Variants in TCERG1L observed in about 807,000 individuals in gnomAD.
TCERG1L encodes the protein transcription elongation regulator 1-like protein.
TCERG1L carries 37 observed loss-of-function variants against 56.3 expected under a neutral mutation model. That is an observed-to-expected ratio of 0.66 (90% CI 0.51 to 0.87). The LOEUF (loss-of-function observed/expected upper bound fraction) is 0.87. TCERG1L is among the 40% of genes least tolerant of loss of function. TCERG1L has a pLI of 0.00. For missense variants in TCERG1L, 799 were observed against 774.2 expected, an observed-to-expected ratio of 1.03 and a Z score of -0.38; for synonymous variants, 324 against 326.3, an observed-to-expected ratio of 0.99 and a Z score of 0.08.
At chr10:131,271,351 C>G (rs1405568578) in intron 3 of TCERG1L, among the ~76,000 whole-genome samples, 1 of 152,244 alleles carries the variant, frequency 6.6e-6, no homozygotes, top group African/African-American at 2.4e-5. Flanking sequence ...CAGGTTTTCT[C>G]TTCCTCTCTG....
At chr10:131,263,123 T>C (rs971339983) in intron 3 of TCERG1L, among the ~76,000 whole-genome samples, 6 of 152,148 alleles carry the variant, frequency 3.9e-5, no homozygotes, top group Non-Finnish European at 5.9e-5. Context: ...CAGACTGTCT[T>C]CCACGGTGGC....
intron 4 of TCERG1L, among the ~76,000 whole-genome samples, chr10:131,194,098 C>A (rs1845332358): frequency 6.6e-6 from 1 of 152,244 alleles, no homozygotes; most frequent in Non-Finnish European, 1.5e-5. Flanking sequence ...GGCACTCCGG[C>A]CACACCACAC....
intron 4 of TCERG1L, among the ~76,000 whole-genome samples, chr10:131,223,989 G>A (rs947022659): frequency 1.3e-5 from 2 of 151,958 alleles, no homozygotes; most frequent in African/African-American, 4.8e-5. Flanking sequence ...TCCCCGTGGT[G>A]AGAAGCAGCC....
At chr10:131,286,029 C>T (rs1846536691) in intron 3 of TCERG1L, among the ~76,000 whole-genome samples, 1 of 152,098 alleles carries the variant, frequency 6.6e-6, no homozygotes, top group South Asian at 2.1e-4. Flanking sequence ...TCTAGATAAT[C>T]AATATAAAAA....
intron 4 of TCERG1L, among the ~76,000 whole-genome samples, chr10:131,193,095 T>G (rs1845320524): frequency 6.6e-6 from 1 of 152,240 alleles, no homozygotes; most frequent in Admixed American, 6.5e-5. Flanking sequence ...CATTTGAATT[T>G]CTCTGATGAC....
chr10:131,168,202 T>C (rs2996069), intron 4 of TCERG1L, among the ~76,000 whole-genome samples: 37,088 of 152,158 alleles, frequency 0.24, 6,220 homozygotes, highest in African/African-American at 0.48. Flanking sequence ...ATAGAAAGGA[T>C]GTCCTCTGGC....
At chr10:131,093,761 G>T (rs146790094) in intron 11 of TCERG1L, among the ~76,000 whole-genome samples, 1 of 152,234 alleles carries the variant, frequency 6.6e-6, no homozygotes, top group South Asian at 2.1e-4. Context: ...AGAGCTGCTC[G>T]TCATGAGAAA....
chr10:131,144,443 A>C (rs1053033270), intron 7 of TCERG1L, among the ~76,000 whole-genome samples: 3 of 151,766 alleles, frequency 2.0e-5, no homozygotes, highest in Non-Finnish European at 4.4e-5. Context: ...CTCTAGAAAC[A>C]CCTCCTGTCC....
chr10:131,279,334 T>G (rs1021506818), intron 3 of TCERG1L, among the ~76,000 whole-genome samples: 3 of 151,508 alleles, frequency 2.0e-5, no homozygotes, highest in Non-Finnish European at 4.4e-5. Flanking sequence ...TGGGCAGGAG[T>G]GTAAGACGCT....
chr10:131,293,698 G>A (rs1846659039), intron 3 of TCERG1L, among the ~76,000 whole-genome samples: 1 of 152,130 alleles, frequency 6.6e-6, no homozygotes, highest in South Asian at 2.1e-4. Context: ...AAATCCACCA[G>A]AAGCCCCTCT....
chr10:131,256,992 G>GGAAGGAAGGAAGGAAGGAAAGGAAGAAA lies in TCERG1L; in HGVS notation c.856+3266_856+3267insTTTCTTCCTTTCCTTCCTTCCTTCCTTC, dbSNP rs1846173015. Among the ~76,000 whole-genome samples, 44 of 59,214 alleles carry GGAAGGAAGGAAGGAAGGAAAGGAAGAAA rather than the reference G, an allele frequency of 7.4e-4. 3 individuals carry two copies. The highest frequency in any genetic ancestry group is 2.4e-3 in the African/African-American group (44 of 18,144). 38.8% of individuals were successfully genotyped at this position (59,214 alleles called of 152,430 possible). The stretch of plus-strand genomic sequence containing the variant: ...AGGAAGGAAGGAAGGAAGGAAGGAA[G>GGAAGGAAGGAAGGAAGGAAAGGAAGAAA]GAAAGAAAGAAAGAAAGAAAGAAAG... On this transcript the variant is annotated intron_variant, in intron 4 of 11. Coordinates refer to ENST00000368642, the MANE Select transcript of TCERG1L (RefSeq NM_174937.4).
chr10:131,136,039 C>T (rs1345542897), intron 7 of TCERG1L, among the ~76,000 whole-genome samples: 1 of 152,206 alleles, frequency 6.6e-6, no homozygotes, highest in Non-Finnish European at 1.5e-5. Flanking sequence ...CTCCTTGATC[C>T]CTGCCCCCTC....
At chr10:131,211,350 G>A (rs1454206777) in intron 4 of TCERG1L, among the ~76,000 whole-genome samples, 1 of 152,230 alleles carries the variant, frequency 6.6e-6, no homozygotes, top group Admixed American at 6.5e-5. Context: ...GCCAGGGCTG[G>A]GCCCCTGAGC....
chr10:131,179,215 CG>C (rs920448037), intron 4 of TCERG1L, among the ~76,000 whole-genome samples: 5 of 152,226 alleles, frequency 3.3e-5, no homozygotes, highest in African/African-American at 9.6e-5. Flanking sequence ...GGCAGAGCAG[CG>C]GGGGCAGCCC....
intron 4 of TCERG1L, among the ~76,000 whole-genome samples, chr10:131,246,947 C>T (rs1449579718): frequency 1.3e-5 from 2 of 152,102 alleles, no homozygotes; most frequent in Non-Finnish European, 2.9e-5. Flanking sequence ...AACAGATTCC[C>T]AAGCTGGTGG....
chr10:131,139,737 T>A (rs1482133139), intron 7 of TCERG1L, among the ~76,000 whole-genome samples: 1 of 151,922 alleles, frequency 6.6e-6, no homozygotes, highest in Non-Finnish European at 1.5e-5. Context: ...CCTGTGTATG[T>A]GTCTGTATGT....
At chr10:131,100,272 A>T (rs1564791574) in intron 10 of TCERG1L, among the ~76,000 whole-genome samples, 1 of 152,234 alleles carries the variant, frequency 6.6e-6, no homozygotes, top group Non-Finnish European at 1.5e-5. Context: ...AAATAAAAGC[A>T]TGTGGCTCCA....
chr10:131,221,241 G>C lies in TCERG1L; in HGVS notation c.856+39018C>G, dbSNP rs1209647567. 4.6e-5 allele frequency among the ~76,000 whole-genome samples: 7 copies of C among 152,352 alleles called. No homozygotes were observed. The East Asian group carries it at 1.4e-3, about 29-fold the overall frequency. ...GCAGCTCCCCTCCCTGCTGCTGCGGGGTGGGAGGCCCCTGGCCGTCCAGGA... is the reference window on the plus strand; with the variant it reads ...GCAGCTCCCCTCCCTGCTGCTGCGGCGTGGGAGGCCCCTGGCCGTCCAGGA... On this transcript the variant is annotated intron_variant, in intron 4 of 11. Coordinates refer to ENST00000368642, the MANE Select transcript of TCERG1L (RefSeq NM_174937.4).
chr10:131,285,523 AGAG>A (rs748692264), intron 3 of TCERG1L, among the ~76,000 whole-genome samples: 12 of 61,838 alleles, frequency 1.9e-4, no homozygotes, highest in African/African-American at 2.8e-4. Flanking sequence ...AAAGAAAGAA[AGAG>A]AGAAAGAAAA....
Sources: allele counts gnomAD v4.1 joint callset (sites outside exome capture counted in the v4.1 genomes callset), GRCh38; gene constraint gnomAD v4.1.1; transcripts MANE v1.5; gene names NCBI Gene and HGNC (gene_info 2026-07-23, HGNC 2026-07-21).